ACOT7: variants seen among roughly 807,000 people sequenced by gnomAD.
ACOT7 encodes the protein acyl-CoA thioesterase 7, also known as cytosolic acyl coenzyme A thioester hydrolase.
A neutral mutation model predicts 40.2 loss-of-function variants in ACOT7; 12 were observed. That is an observed-to-expected ratio of 0.30 (90% CI 0.19 to 0.48). The LOEUF (loss-of-function observed/expected upper bound fraction) is 0.48. Ranked by LOEUF, ACOT7 falls within the 20% of genes least tolerant of loss-of-function variation. The pLI, the probability that ACOT7 is intolerant of heterozygous loss-of-function variation, is 0.99. For synonymous variants in ACOT7, 228 were observed against 219.5 expected (o/e 1.04, Z -0.34); for missense variants, 395 against 530.8 (o/e 0.74, Z 2.51).
At chr1:6,375,324 T>C (rs1401851903) in intron 1 of ACOT7, among the ~76,000 whole-genome samples, 1 of 148,426 alleles carries the variant, frequency 6.7e-6, no homozygotes, top group African/African-American at 2.5e-5. Flanking sequence ...TTACAAAACA[T>C]ATATCCGATA....
In ACOT7 at chr1:6,318,540, G is replaced by A; in HGVS notation, c.664C>T (p.His222Tyr). 1 of 1,614,194 alleles carries A rather than the reference G, an allele frequency of 6.2e-7. No individual in the cohort carries two copies. Among genetic ancestry groups the A allele is most frequent in the Non-Finnish European group, 8.5e-7 (1 of 1,180,020 alleles). The change falls in exon 6 of 9, where the codon CAC (histidine) becomes TAC (tyrosine). Residue 222 changes from histidine to tyrosine, a missense_variant. Around this residue, in one of 2 missense-constraint regions of ACOT7, gnomAD observed 309 missense variants for 470.3 expected, o/e 0.66. Transcript: ENST00000361521. Reference sequence around the variant, plus strand: ...GTGCAGTCTGAAGGCCCCACCAGGTGGATCAAGCTGGACTGGCTGTAGCTG... The same window carrying A: ...GTGCAGTCTGAAGGCCCCACCAGGTAGATCAAGCTGGACTGGCTGTAGCTG... ...TVSYSQSSLI[H>Y]LVGPSDCTLH...
At chr1:6,303,010 G>GCC (rs951833829) in intron 6 of ACOT7, among the ~76,000 whole-genome samples, 11 of 151,324 alleles carry the variant, frequency 7.3e-5, no homozygotes, top group African/African-American at 2.7e-4. Context: ...GTCCACCTGG[G>GCC]CCCCTGCCTT....
chr1:6,377,249 G>A (rs1642249501), intron 1 of ACOT7, among the ~76,000 whole-genome samples: 1 of 152,032 alleles, frequency 6.6e-6, no homozygotes, highest in South Asian at 2.1e-4. Context: ...AAAAATACAT[G>A]TAAAGGCCAA....
intron 1 of ACOT7, among the ~76,000 whole-genome samples, chr1:6,362,911 G>T (rs1288059224): frequency 6.6e-6 from 1 of 152,140 alleles, no homozygotes; most frequent in African/African-American, 2.4e-5. Context: ...AATTAGCCGA[G>T]CATGGTGGTG....
chr1:6,292,789 C>G (rs1451112457), intron 7 of ACOT7, among the ~76,000 whole-genome samples: 1 of 151,102 alleles, frequency 6.6e-6, no homozygotes, highest in Non-Finnish European at 1.5e-5. Flanking sequence ...TCAAGCGATT[C>G]TCATGCCTCA....
Position 6,358,945 on chromosome 1 carries a change from C to A in ACOT7, c.144-9079G>T. The A allele has an allele frequency of 6.5e-7, 1 of 1,527,024 alleles. No individual in the cohort carries two copies. The highest frequency in any genetic ancestry group is 2.5e-5 in the East Asian group (1 of 39,384). The allele number at this position is 1,527,024 out of a possible 1,614,324, so 94.6% of individuals were successfully genotyped here. On this transcript the variant is annotated intron_variant, in intron 1 of 8. Transcript: ENST00000361521. This position sits in a 1 kb window ranked among gnomAD's most constrained non-coding sequence, Gnocchi z 4.1. Reference sequence around the variant, plus strand: ...ACCCAGGACTGTCCCAGCTCCCTGCCACACCGGGCTTGGTGGGGAGCACCC... The same window carrying A: ...ACCCAGGACTGTCCCAGCTCCCTGCAACACCGGGCTTGGTGGGGAGCACCC...
At chr1:6,383,768 G>A (rs981474012) in intron 1 of ACOT7, among the ~76,000 whole-genome samples, 18 of 150,532 alleles carry the variant, frequency 1.2e-4, no homozygotes, top group African/African-American at 1.9e-4. Context: ...GCAGTGGCAC[G>A]ATCTTGGCTC....
rs1164012924 is a variant in ACOT7, at chr1:6,275,118, T to C, written c.1014+5984A>G. ...AGCTCGCAGAGGGGTTGGCGTTCCC[T>C]GAAGCCTCCGGCTTCAATGACCTGT... On this transcript the variant is annotated intron_variant, in intron 8 of 8. Coordinates refer to ENST00000361521, the MANE Select transcript of ACOT7 (RefSeq NM_007274.4). The surrounding 1 kb of genome is among the most constrained non-coding windows in gnomAD (Gnocchi z 5.6). 1.3e-5 allele frequency among the ~76,000 whole-genome samples: 2 copies of C among 152,198 alleles called. No homozygotes were observed. Among genetic ancestry groups the C allele is most frequent in the East Asian group, 1.9e-4 (1 of 5,182 alleles).
chr1:6,316,496 G>C (rs1640499707), intron 6 of ACOT7, among the ~76,000 whole-genome samples: 1 of 152,222 alleles, frequency 6.6e-6, no homozygotes, highest in South Asian at 2.1e-4. Flanking sequence ...AAAAGAAAAA[G>C]AAACAAACTT....
chr1:6,342,673 T>C (rs569188867), intron 2 of ACOT7, among the ~76,000 whole-genome samples: 5 of 152,362 alleles, frequency 3.3e-5, no homozygotes, highest in African/African-American at 1.2e-4. Flanking sequence ...CCAGGTGGAA[T>C]TGAACATTCT....
At chr1:6,319,472 C>T (rs747534712) in intron 5 of ACOT7, among the ~76,000 whole-genome samples, 8 of 152,344 alleles carry the variant, frequency 5.3e-5, no homozygotes, top group Middle Eastern at 6.8e-3. Flanking sequence ...GGATTACAGG[C>T]GTGAACCACC....
intron 1 of ACOT7, among the ~76,000 whole-genome samples, chr1:6,376,500 G>A (rs1046109779): frequency 1.3e-5 from 2 of 151,514 alleles, no homozygotes; most frequent in African/African-American, 2.4e-5. Flanking sequence ...AGGCTGAGGC[G>A]GGTGGATCAC....
intron 3 of ACOT7, among the ~76,000 whole-genome samples, chr1:6,334,029 A>G (rs564976933): frequency 1.6e-4 from 25 of 152,212 alleles, no homozygotes; most frequent in African/African-American, 5.1e-4. Flanking sequence ...GAGGGCACCA[A>G]CTGCAGGCAA....
At chr1:6,391,765 C>T (rs1446752751) in intron 1 of ACOT7, among the ~76,000 whole-genome samples, 1 of 152,136 alleles carries the variant, frequency 6.6e-6, no homozygotes, top group Non-Finnish European at 1.5e-5. Context: ...GCCATTTCCT[C>T]CTCCACACAG....
intron 8 of ACOT7, among the ~76,000 whole-genome samples, chr1:6,277,541 C>T (rs959605688): frequency 8.5e-5 from 13 of 152,372 alleles, no homozygotes; most frequent in Admixed American, 6.5e-4. Flanking sequence ...AGCCCTGCCC[C>T]GTCCTAGCCG....
chr1:6,327,313 G>A lies in ACOT7; in HGVS notation c.611C>T (p.Pro204Leu), dbSNP rs1338770841. 4 of 1,614,066 alleles carry A rather than the reference G, an allele frequency of 2.5e-6. No individual in the cohort carries two copies. Among genetic ancestry groups the A allele is most frequent in the Non-Finnish European group, 3.4e-6 (4 of 1,180,038 alleles). Reference protein sequence around the residue: ...TKWRNGDIVQPVLNPEPNTVS... With the variant: ...TKWRNGDIVQLVLNPEPNTVS... ...GCGGCTCTTACCTGGGTTGAGGACT[G>A]GCTGGACGATGTCCCCGTTCCTCCA... The change falls in exon 5 of 9, where the codon CCA becomes CTA. Residue 204 changes from proline (P) to leucine (L), a missense_variant. Physicochemically the swap from Pro to Leu is moderately conservative, Grantham distance 98 (BLOSUM62 -3). Around this residue, in one of 2 missense-constraint regions of ACOT7, gnomAD observed 309 missense variants for 470.3 expected, o/e 0.66. Transcript: ENST00000361521.
intron 7 of ACOT7, among the ~76,000 whole-genome samples, chr1:6,281,768 C>T (rs1639366253): frequency 6.6e-6 from 1 of 152,218 alleles, no homozygotes; most frequent in Non-Finnish European, 1.5e-5. Context: ...CTCCAAGCAC[C>T]AAGACAGAAC....
intron 8 of ACOT7, among the ~76,000 whole-genome samples, chr1:6,270,064 G>A (rs1373878812): frequency 2.0e-5 from 3 of 152,224 alleles, no homozygotes; most frequent in Non-Finnish European, 4.4e-5. Flanking sequence ...GTAGGTTACG[G>A]GCTCACTGCT....
chr1:6,264,711 A>G lies in ACOT7; in HGVS notation c.1015-16T>C, dbSNP rs1638764971. The G allele has an allele frequency of 1.9e-6, 3 of 1,611,050 alleles. No individual in the cohort carries two copies. In the South Asian group the frequency reaches 3.3e-5, roughly 18 times the overall value. On this transcript the variant is annotated splice_polypyrimidine_tract_variant and intron_variant, in intron 8 of 8. Transcript: ENST00000361521. ...CGGTCTCGGGCTGTGGACCACACACAGAGACAGGCAGGTTAGGGTCACTGC... is the reference window on the plus strand; with the variant it reads ...CGGTCTCGGGCTGTGGACCACACACGGAGACAGGCAGGTTAGGGTCACTGC...
Sources: gnomAD v4.1 joint callset for allele counts (sites outside exome capture counted in the v4.1 genomes callset) on GRCh38, gnomAD v4.1.1 for gene constraint, gnomAD v4.1.1 regional missense constraint, Gnocchi (gnomAD v3.1) non-coding constraint, MANE v1.5 for transcripts, NCBI Gene and HGNC (gene_info 2026-07-23, HGNC 2026-07-21) for gene names.